The following KIAA1217 variants were observed in gnomAD, a reference collection of about 807,000 sequenced individuals.
KIAA1217 encodes the protein sickle tail protein homolog.
KIAA1217 carries 88 observed loss-of-function variants against 163.9 expected under a neutral mutation model. The observed-to-expected ratio is 0.54, with a 90% CI of 0.45 to 0.64. The LOEUF (loss-of-function observed/expected upper bound fraction) is 0.64, where lower values mean the gene tolerates loss of function less well. Ranked by LOEUF, KIAA1217 falls within the 30% of genes least tolerant of loss-of-function variation. The pLI is 0.00. For missense variants in KIAA1217, 2,372 were observed against 2,475.0 expected (o/e 0.96, Z 0.88); for synonymous variants, 903 against 923.1 (o/e 0.98, Z 0.39).
intron 2 of KIAA1217, among the ~76,000 whole-genome samples, chr10:24,315,497 C>T (rs1398429065): frequency 6.6e-6 from 1 of 152,176 alleles, no homozygotes; most frequent in South Asian, 2.1e-4. Context: ...AGTCCTGTGT[C>T]CACGAAGCCT....
intron 1 of KIAA1217, among the ~76,000 whole-genome samples, chr10:24,003,949 A>G (rs1846870153): frequency 6.6e-6 from 1 of 152,126 alleles, no homozygotes; most frequent in Admixed American, 6.6e-5. Flanking sequence ...CATCCAAAAT[A>G]TTTCAGAGAC....
chr10:23,922,849 A>G (rs185774266), intron 1 of KIAA1217, among the ~76,000 whole-genome samples: 65 of 152,342 alleles, frequency 4.3e-4, no homozygotes, highest in African/African-American at 1.3e-3. Flanking sequence ...AACTAGGCAC[A>G]CCAGCTACAA....
At chr10:24,062,670 G>C (rs2060776188) in intron 2 of KIAA1217, among the ~76,000 whole-genome samples, 1 of 151,888 alleles carries the variant, frequency 6.6e-6, no homozygotes, top group Non-Finnish European at 1.5e-5. Flanking sequence ...GGGATGGCTG[G>C]GTCAAATGGT....
rs2064104440 is a variant in KIAA1217 at position 24,142,000 on chromosome 10, A to G, written c.-170-77626A>G. 3.9e-5 allele frequency among the ~76,000 whole-genome samples: 6 copies of G among 152,298 alleles called. No individual in the cohort carries two copies. In the South Asian group the frequency reaches 1.2e-3, roughly 32 times the overall value. On this transcript the variant is annotated intron_variant, in intron 2 of 18. Transcript: ENST00000376462. ...TTTGGTTATAGCAGCCCAAACAGGT[A>G]AAGACACCAATATATCCAAAATATT...
chr10:23,811,498 C>G (rs1459164885), intron 1 of KIAA1217, among the ~76,000 whole-genome samples: 1 of 151,494 alleles, frequency 6.6e-6, no homozygotes, highest in Non-Finnish European at 1.5e-5. Flanking sequence ...TATGTTCATT[C>G]TTAGTTATAG....
intron 9 of KIAA1217, among the ~76,000 whole-genome samples, chr10:24,510,210 C>T (rs1362742502): frequency 2.0e-5 from 3 of 152,166 alleles, no homozygotes; most frequent in Admixed American, 6.5e-5. Flanking sequence ...CTCTAATTGC[C>T]GAGCACACCC....
chr10:23,836,386 C>T (rs1838450289), intron 1 of KIAA1217, among the ~76,000 whole-genome samples: 1 of 152,054 alleles, frequency 6.6e-6, no homozygotes, highest in Non-Finnish European at 1.5e-5. Context: ...AGTGAGAACA[C>T]ACACACAGAG....
chr10:24,023,919 C>A (rs114402113), intron 2 of KIAA1217, among the ~76,000 whole-genome samples: 3,279 of 151,450 alleles, frequency 0.022, 124 homozygotes, highest in African/African-American at 0.076. Context: ...AAAAATTAAT[C>A]TCTGTTGATG....
intron 3 of KIAA1217, among the ~76,000 whole-genome samples, chr10:24,432,462 A>G (rs1276617408): frequency 6.7e-6 from 1 of 150,320 alleles, no homozygotes; most frequent in Non-Finnish European, 1.5e-5. Flanking sequence ...TGCTTCTTGC[A>G]TGTTTGTTTT....
chr10:24,360,075 C>T (rs1276067995), intron 2 of KIAA1217, among the ~76,000 whole-genome samples: 17 of 107,680 alleles, frequency 1.6e-4, no homozygotes, highest in African/African-American at 5.7e-4. Context: ...GAGACAGACT[C>T]TTACTCTGTC....
intron 2 of KIAA1217, among the ~76,000 whole-genome samples, chr10:24,111,311 T>C (rs555094092): frequency 5.4e-4 from 82 of 152,326 alleles, no homozygotes; most frequent in Middle Eastern, 3.4e-3. Flanking sequence ...AATTCTCCCA[T>C]GGCAAGATAT....
At chr10:23,708,253 G>A (rs1588637418) in intron 1 of KIAA1217, among the ~76,000 whole-genome samples, 1 of 152,104 alleles carries the variant, frequency 6.6e-6, no homozygotes, top group South Asian at 2.1e-4. Flanking sequence ...CTCCTACCAG[G>A]TCCCTCCCAC....
intron 17 of KIAA1217, chr10:24,542,481 G>C: frequency 7.2e-7 from 1 of 1,391,868 alleles, no homozygotes. Context: ...TTTGCTAATT[G>C]AGATTTTCAT....
intron 14 of KIAA1217, among the ~76,000 whole-genome samples, chr10:24,528,323 T>TTG (rs2072546350): frequency 2.6e-5 from 3 of 115,486 alleles, no homozygotes; most frequent in Non-Finnish European, 3.7e-5. Flanking sequence ...TTTTTTTTTG[T>TTG]TTTTTTTTTT....
intron 2 of KIAA1217, among the ~76,000 whole-genome samples, chr10:24,342,317 C>T (rs1390496346): frequency 6.6e-6 from 1 of 152,176 alleles, no homozygotes; most frequent in Non-Finnish European, 1.5e-5. Context: ...TGGCAGCTGA[C>T]AGCAGAAACA....
At chr10:24,348,964 T>C (rs941902442) in intron 2 of KIAA1217, among the ~76,000 whole-genome samples, 2 of 152,026 alleles carry the variant, frequency 1.3e-5, no homozygotes, top group Non-Finnish European at 2.9e-5. Flanking sequence ...CTGGGCAATA[T>C]AGTGAGAATC....
chr10:24,100,765 G>T (rs532963007), intron 2 of KIAA1217, among the ~76,000 whole-genome samples: 1 of 152,166 alleles, frequency 6.6e-6, no homozygotes, highest in East Asian at 1.9e-4. Context: ...TTATTATTTA[G>T]ATCTTAATTA....
chr10:23,922,870 G>A (rs983683591), intron 1 of KIAA1217, among the ~76,000 whole-genome samples: 1 of 152,090 alleles, frequency 6.6e-6, no homozygotes, highest in African/African-American at 2.4e-5. Flanking sequence ...ACAAAGGAAA[G>A]GATGATATAA....
chr10:24,506,438 G>T (rs1272693456), intron 9 of KIAA1217, among the ~76,000 whole-genome samples: 2 of 152,200 alleles, frequency 1.3e-5, no homozygotes, highest in South Asian at 4.1e-4. Context: ...TCTCCATGAA[G>T]TGATTTGGAT....
Sources: allele counts gnomAD v4.1 joint callset (sites outside exome capture counted in the v4.1 genomes callset), GRCh38; gene constraint gnomAD v4.1.1; transcripts MANE v1.5; gene names NCBI Gene and HGNC (gene_info 2026-07-23, HGNC 2026-07-21).